STAG2: variants seen among roughly 807,000 people sequenced by gnomAD.
STAG2 encodes the protein cohesin subunit SA-2.
Under a neutral mutation model 108.1 loss-of-function variants are expected in STAG2, and 14 were observed. The ratio of observed to expected loss-of-function variants is 0.13; its 90% CI spans 0.09 to 0.20. The LOEUF (loss-of-function observed/expected upper bound fraction) is 0.20, where lower values mean the gene tolerates loss of function less well. STAG2 is among the 10% of genes least tolerant of loss of function. The probability of loss-of-function intolerance (pLI) is 1.00; values close to 1 mark genes in which losing one functional copy is unlikely to be tolerated. For synonymous variants in STAG2, 307 were observed against 302.7 expected (o/e 1.01, Z -0.15); for missense variants, 440 against 940.9 (o/e 0.47, Z 6.96).
chrX:124,039,649 T>G (rs1366836548), intron 6 of STAG2, among the ~76,000 whole-genome samples: 1 of 107,560 alleles, frequency 9.3e-6, no homozygotes, highest in Non-Finnish European at 1.9e-5. Context: ...TCTTTTTTTT[T>G]TTTTTTAATT....
chrX:124,075,199 C>T (rs141921423), intron 25 of STAG2, among the ~76,000 whole-genome samples: 198 of 112,025 alleles, frequency 1.8e-3, no homozygotes, highest in East Asian at 5.5e-3. Context: ...ATAGGATATG[C>T]GCAGACTGTT....
At chrX:123,998,506 C>T (rs1157946594) in intron 1 of STAG2, among the ~76,000 whole-genome samples, 1 of 103,704 alleles carries the variant, frequency 9.6e-6, no homozygotes, top group African/African-American at 3.5e-5. Context: ...TTTTAAGGAA[C>T]AGTTATATCG....
chrX:124,029,953 C>G (rs2057279738), intron 4 of STAG2, among the ~76,000 whole-genome samples: 1 of 110,162 alleles, frequency 9.1e-6, no homozygotes, highest in Admixed American at 9.7e-5. Context: ...TTTTGATGCC[C>G]CTACCCGCGC....
At chrX:124,022,723 T>C (rs367701730) in intron 3 of STAG2, 52 bp downstream of exon 3, 1 of 860,688 alleles carries the variant, frequency 1.2e-6, no homozygotes, top group Non-Finnish European at 1.6e-6. Context: ...TTCCACAAAA[T>C]GGGGAATGCA....
At chrX:123,977,452 T>TCCC (rs374677344) in intron 1 of STAG2, among the ~76,000 whole-genome samples, 1 of 106,303 alleles carries the variant, frequency 9.4e-6, no homozygotes, top group Non-Finnish European at 2.0e-5. Flanking sequence ...CTGTTTTTTT[T>TCCC]CCCCCCCTCC....
chrX:124,005,470 T>C (rs188842486), intron 1 of STAG2, among the ~76,000 whole-genome samples: 39 of 111,448 alleles, frequency 3.5e-4, no homozygotes, highest in Non-Finnish European at 4.1e-4. Flanking sequence ...ACCCCTTCTC[T>C]CCTTCCTCTA....
intron 1 of STAG2, among the ~76,000 whole-genome samples, chrX:123,973,290 C>T (rs892155394): frequency 1.8e-5 from 2 of 110,029 alleles, no homozygotes; most frequent in South Asian, 3.8e-4. Flanking sequence ...TGCCTGTAAT[C>T]CCAGCACTTT....
At chrX:123,969,952 G>GTTTTTTTT (rs749744551) in intron 1 of STAG2, among the ~76,000 whole-genome samples, 6 of 39,150 alleles carry the variant, frequency 1.5e-4, no homozygotes, top group Admixed American at 3.7e-4. Context: ...CGGTCTTCCT[G>GTTTTTTTT]TTTTTTTTTT....
rs1342608114 is a variant in STAG2 at position 124,078,877 on chromosome X, G to T, written c.2775+819G>T. Among the ~76,000 whole-genome samples, 4 of 108,817 alleles carry T rather than the reference G, an allele frequency of 3.7e-5. 1 individual carries two copies. The highest frequency in any genetic ancestry group is 7.6e-5 in the Non-Finnish European group (4 of 52,356). The allele number at this position is 108,817 out of a possible 115,157, so 94.5% of individuals were successfully genotyped here. A position where few individuals can be genotyped will look rare whatever the true frequency, so the allele number is the denominator to read the frequency against. Reference sequence around the variant, plus strand: ...CCAGCCACTTGGGAGGCTGAGGCACGAGAATTGCTTGAACCTCGTAGGTGG... The same window carrying T: ...CCAGCCACTTGGGAGGCTGAGGCACTAGAATTGCTTGAACCTCGTAGGTGG... On this transcript the variant is annotated intron_variant, in intron 27 of 34. Coordinates refer to ENST00000371145, the MANE Select transcript of STAG2 (RefSeq NM_001042750.2).
At chrX:124,025,489 AC>A (rs777628959) in intron 3 of STAG2, among the ~76,000 whole-genome samples, 1 of 111,357 alleles carries the variant, frequency 9.0e-6, no homozygotes, top group African/African-American at 3.3e-5. Flanking sequence ...TTTCCGCAGC[AC>A]TGTGATCTTT....
At position 124,024,374 on chromosome X, in the gene STAG2, AT is replaced by A. The variant is rs1031450540; in HGVS notation, c.45-1456del. ...ATACATCAAGATATTTTAAATTTTC[AT>A]TTTTTTTTTGCAAGACCATATAGAC... On this transcript the variant is annotated intron_variant, in intron 3 of 34. Coordinates refer to ENST00000371145, the MANE Select transcript of STAG2 (RefSeq NM_001042750.2). 2.9e-3 allele frequency among the ~76,000 whole-genome samples: 305 copies of A among 106,488 alleles called. 1 individual carries two copies. Among genetic ancestry groups the A allele is most frequent in the African/African-American group, 9.3e-3 (273 of 29,459 alleles). 92.5% of individuals were successfully genotyped at this position (106,488 alleles called of 115,157 possible).
intron 3 of STAG2, 44 bp from the exon 4 acceptor site, chrX:124,025,796 T>C (rs2057074953): frequency 1.0e-6 from 1 of 979,073 alleles, no homozygotes; most frequent in African/African-American, 2.0e-5. Flanking sequence ...AAACTCAATA[T>C]AAATTTCTAA....
intron 34 of STAG2, among the ~76,000 whole-genome samples, chrX:124,095,847 A>G (rs1569521982): frequency 9.1e-6 from 1 of 110,375 alleles, no homozygotes. Context: ...GCATGGTGAA[A>G]AATAATGAGA....
Position 124,090,937 on chromosome X carries a change from A to T in STAG2, c.3551A>T (p.Lys1184Ile), listed in dbSNP as rs2148490115. Reference protein sequence around the residue: ...QQERAAMSYVKLRTNLQHAIR... With the variant: ...QQERAAMSYVILRTNLQHAIR... The stretch of plus-strand genomic sequence containing the variant: ...GAGAGAGCAGCAATGAGCTATGTTA[A>T]ACTGCGAACTAATCTTCAGCATGCC... The change falls in exon 32 of 35, where the codon AAA (lysine) becomes ATA (isoleucine). Residue 1184 changes from lysine to isoleucine, a missense_variant. Physicochemically the swap from Lys to Ile is moderately radical, Grantham distance 102 (BLOSUM62 -3). This residue lies in a region of STAG2 where 337 missense variants were observed against 649.3 expected (regional missense o/e 0.52). Coordinates refer to ENST00000371145, the MANE Select transcript of STAG2 (RefSeq NM_001042750.2). The T allele has an allele frequency of 8.3e-7, 1 of 1,206,166 alleles. No individual in the cohort carries two copies. The highest frequency in any genetic ancestry group is 1.1e-6 in the Non-Finnish European group (1 of 890,914).
In STAG2 at chrX:124,056,459, C is replaced by T. The variant is rs956855841; in HGVS notation, c.1304+224C>T. Among the ~76,000 whole-genome samples, 9 of 110,484 alleles carry T rather than the reference C, an allele frequency of 8.1e-5. No homozygotes were observed. In the East Asian group the frequency reaches 2.0e-3, roughly 24 times the overall value. On this transcript the variant is annotated intron_variant, in intron 14 of 34. Coordinates refer to ENST00000371145, the MANE Select transcript of STAG2 (RefSeq NM_001042750.2). ...TCTTTAAAGGGAAATGTAGGCTGGG[C>T]GCAGTGGCTCATGCCTGTAATCTCA... is the stretch of plus-strand genomic sequence containing the variant.
intron 1 of STAG2, among the ~76,000 whole-genome samples, chrX:124,000,067 T>G (rs1334665365): frequency 1.8e-5 from 2 of 110,655 alleles, no homozygotes; most frequent in Non-Finnish European, 3.8e-5. Flanking sequence ...CCTCCTTTTA[T>G]ATAAACTACA....
intron 3 of STAG2, 50 bp downstream of exon 3, chrX:124,022,721 A>T: frequency 1.2e-6 from 1 of 849,217 alleles, no homozygotes; most frequent in Non-Finnish European, 1.7e-6. Flanking sequence ...TATTCCACAA[A>T]ATGGGGAATG....
At chrX:123,973,961 A>G (rs2054498933) in intron 1 of STAG2, among the ~76,000 whole-genome samples, 1 of 111,707 alleles carries the variant, frequency 9.0e-6, no homozygotes, top group Admixed American at 9.6e-5. Context: ...AAGGGTTAAA[A>G]AAATACCTAT....
chrX:124,028,644 G>A (rs187791987), intron 4 of STAG2, among the ~76,000 whole-genome samples: 2,554 of 108,093 alleles, frequency 0.024, 37 homozygotes, highest in Non-Finnish European at 0.04. Context: ...GAGTCGTTTT[G>A]GACTCTTGGA....
Sources: gnomAD v4.1 joint callset for allele counts (sites outside exome capture counted in the v4.1 genomes callset) on GRCh38, gnomAD v4.1.1 for gene constraint, gnomAD v4.1.1 regional missense constraint, MANE v1.5 for transcripts, NCBI Gene and HGNC (gene_info 2026-07-23, HGNC 2026-07-21) for gene names.